Variants in DNAH5 observed in about 807,000 individuals in gnomAD.
The protein encoded by DNAH5 is axonemal beta dynein heavy chain 5.
DNAH5 carries 372 observed loss-of-function variants against 518.2 expected under a neutral mutation model. The ratio of observed to expected loss-of-function variants is 0.72; its 90% confidence interval spans 0.66 to 0.78. DNAH5 has a LOEUF of 0.78. Among genes scored for constraint, DNAH5 ranks in the 30% least tolerant of loss-of-function variants. The pLI, the probability that DNAH5 is intolerant of heterozygous loss-of-function variation, is 0.00. For missense variants in DNAH5, 5,523 were observed against 5,687.0 expected (o/e 0.97, Z 0.93); for synonymous variants, 2,039 against 2,025.9 (o/e 1.01, Z -0.17).
chr5:13,828,291 T>C (rs1763173415), intron 38 of DNAH5, among the ~76,000 whole-genome samples: 1 of 151,604 alleles, frequency 6.6e-6, no homozygotes, highest in Admixed American at 6.6e-5. Context: ...AGTTTGAAAT[T>C]AAAGCCTAAG....
chr5:13,727,700 A>G, intron 69 of DNAH5, 44 bp from the exon 70 acceptor site: 2 of 1,608,226 alleles, frequency 1.2e-6, no homozygotes, highest in East Asian at 2.2e-5. Context: ...CCACCCAACA[A>G]TCTTTCAGTA....
rs1239191992 is a variant in DNAH5 at position 13,923,269 on chromosome 5, T to C, written c.438+11A>G. 2 of 1,614,054 alleles carry C rather than the reference T, an allele frequency of 1.2e-6. No homozygotes were observed. The highest frequency in any genetic ancestry group is 1.7e-5 in the Admixed American group (1 of 60,004). On this transcript the variant is annotated intron_variant, in intron 4 of 78. Transcript: ENST00000265104. ...GGTAATTCAGAGTAAACAATGGCTC[T>C]TGCCCCTTACCTGGTGGATGTTGTC...
At position 13,752,246 on chromosome 5, in the gene DNAH5, T is replaced by C; in HGVS notation, c.10916A>G (p.Asp3639Gly). Residue 3639 changes from aspartate to glycine, a missense_variant, in exon 64 of 79, where the codon GAC (aspartate) becomes GGC (glycine). Transcript: ENST00000265104. ...NHKYFRNHLE[D>G]SLSLGRPLLI... ...CAAAGGCCTTCCAAGAGAAAGGCTG[T>C]CTTCCAGGTGGTTTCTGAAGTACTT... 6.2e-7 allele frequency: 1 copy of C among 1,614,080 alleles called. No homozygotes were observed. Among genetic ancestry groups the C allele is most frequent in the East Asian group, 2.2e-5 (1 of 44,866 alleles).
At chr5:13,706,968 C>T (rs1561082507) in intron 76 of DNAH5, among the ~76,000 whole-genome samples, 1 of 152,210 alleles carries the variant, frequency 6.6e-6, no homozygotes, top group Non-Finnish European at 1.5e-5. Flanking sequence ...AACAGGCACT[C>T]TTGTTTTCGT....
intron 30 of DNAH5, among the ~76,000 whole-genome samples, chr5:13,851,628 C>T (rs994577931): frequency 3.3e-5 from 5 of 152,050 alleles, no homozygotes; most frequent in Admixed American, 6.6e-5. Context: ...TCATTTTCTT[C>T]TTTAAAGCTT....
chr5:13,786,060 G>A, intron 52 of DNAH5, 119 bp downstream of exon 52: 2 of 974,206 alleles, frequency 2.1e-6, no homozygotes, highest in South Asian at 2.7e-5. Context: ...ATATAGCATG[G>A]AGTCTAATTT....
chr5:13,695,184 C>A (rs1454339453), intron 78 of DNAH5, among the ~76,000 whole-genome samples: 1 of 152,184 alleles, frequency 6.6e-6, no homozygotes, highest in Non-Finnish European at 1.5e-5. Flanking sequence ...ATTTGAGATG[C>A]CTCCAAAGCC....
chr5:13,953,414 A>G (rs1038234824), intron 1 of DNAH5, among the ~76,000 whole-genome samples: 1 of 152,210 alleles, frequency 6.6e-6, no homozygotes, highest in African/African-American at 2.4e-5. Flanking sequence ...AACAGTTAAC[A>G]TTGGGCCTTA....
intron 64 of DNAH5, among the ~76,000 whole-genome samples, chr5:13,751,610 A>T (rs941930216): frequency 1.3e-5 from 2 of 152,206 alleles, no homozygotes; most frequent in East Asian, 3.8e-4. Context: ...GCACCGAAAG[A>T]GTATAAAAAG....
At chr5:13,771,312 A>G (rs1753308250) in intron 55 of DNAH5, 1 of 330,488 alleles carries the variant, frequency 3.0e-6, no homozygotes, top group Non-Finnish European at 5.7e-6. Flanking sequence ...AATGGTACAA[A>G]TAACTCAGAA....
chr5:13,850,502 G>A (rs1766677912), intron 31 of DNAH5, 150 bp downstream of exon 31: 2 of 683,450 alleles, frequency 2.9e-6, no homozygotes, highest in Non-Finnish European at 5.2e-6. Flanking sequence ...GAGAATATAA[G>A]GCTTCAAAAT....
Position 13,841,918 on chromosome 5 carries a change from CAAAAAAAA to C in DNAH5, c.5272-22_5272-15del. The C allele has an allele frequency of 1.7e-6, 1 of 591,122 alleles. No homozygotes were observed. The highest frequency in any genetic ancestry group is 2.7e-6 in the Non-Finnish European group (1 of 370,184). 36.6% of individuals were successfully genotyped at this position (591,122 alleles called of 1,614,324 possible). A position where few individuals can be genotyped will look rare whatever the true frequency, so the allele number is the denominator to read the frequency against. On this transcript the variant is annotated splice_polypyrimidine_tract_variant and intron_variant, in intron 32 of 78. Coordinates refer to ENST00000265104, the MANE Select transcript of DNAH5 (RefSeq NM_001369.3). Reference sequence around the variant, plus strand: ...TCGATCATAGATCTATGTTAGAAACCAAAAAAAAAAAAAAAAAAAGCTATAGTCATATA... The same window carrying C: ...TCGATCATAGATCTATGTTAGAAACCAAAAAAAAAAAGCTATAGTCATATA...
intron 60 of DNAH5, among the ~76,000 whole-genome samples, chr5:13,762,276 A>G (rs1463555394): frequency 1.3e-5 from 2 of 152,200 alleles, no homozygotes; most frequent in Non-Finnish European, 1.5e-5. Flanking sequence ...AAAGGGAGGA[A>G]TACATCACGT....
intron 16 of DNAH5, among the ~76,000 whole-genome samples, chr5:13,892,449 G>T (rs981283501): frequency 1.3e-5 from 2 of 152,184 alleles, no homozygotes; most frequent in African/African-American, 4.8e-5. Context: ...ATGACCACCT[G>T]TAAGTAGGAT....
At chr5:13,779,791 C>T (rs1240488694) in intron 53 of DNAH5, among the ~76,000 whole-genome samples, 2 of 152,170 alleles carry the variant, frequency 1.3e-5, no homozygotes, top group Non-Finnish European at 2.9e-5. Flanking sequence ...CCCTGAAGCT[C>T]CAACTTCCTG....
At position 13,692,011 on chromosome 5, in the gene DNAH5, C is replaced by A. The variant is rs745602916; in HGVS notation, c.13848G>T (p.Gly4616=). 1 of 1,614,084 alleles carries A rather than the reference C, an allele frequency of 6.2e-7. No individual in the cohort carries two copies. The highest frequency in any genetic ancestry group is 8.5e-7 in the Non-Finnish European group (1 of 1,179,986). Residue 4616 remains glycine (G), a synonymous_variant, in exon 79 of 79, where the codon GGG becomes GGT. Transcript: ENST00000265104. ...AQTPEHWVLR[G]VALLCDVK is the part of the protein sequence containing the mutation. ...ACTTGACATCACACAGAAGGGCAAC[C>A]CCACGGAGCACCCAGTGTTCAGGGG... is the stretch of plus-strand genomic sequence containing the variant.
In DNAH5 at chr5:13,690,522, T is replaced by C. The variant is rs1740598392; in HGVS notation, c.*1462A>G. 1 of 152,196 alleles carries C rather than the reference T, an allele frequency of 6.6e-6. No individual in the cohort carries two copies. Among genetic ancestry groups the C allele is most frequent in the African/African-American group, 2.4e-5 (1 of 41,450 alleles). 9.4% of individuals were successfully genotyped at this position (152,196 alleles called of 1,614,324 possible). A position where few individuals can be genotyped will look rare whatever the true frequency, so the allele number is the denominator to read the frequency against. ...AGGAGCCACTCAGTCCTAACTCTCA[T>C]GATCATGAGCATGAAATAATGATCC... On this transcript the variant is annotated 3_prime_UTR_variant, in exon 79 of 79. Coordinates refer to ENST00000265104, the MANE Select transcript of DNAH5 (RefSeq NM_001369.3).
Position 14,001,673 on chromosome 5 carries a change from CT to C in DNAH5, c.12+9974del, listed in dbSNP as rs546288163. 5.3e-3 allele frequency among the ~76,000 whole-genome samples: 304 copies of C among 56,948 alleles called. 2 individuals carry two copies. Among genetic ancestry groups the C allele is most frequent in the Middle Eastern group, 0.022 (3 of 134 alleles). 37.4% of individuals were successfully genotyped at this position (56,948 alleles called of 152,430 possible). A position where few individuals can be genotyped will look rare whatever the true frequency, so the allele number is the denominator to read the frequency against. On this transcript the variant is annotated intron_variant, in intron 1 of 78. Coordinates refer to the DNAH5 transcript ENST00000681290. ...CCACTGTGCCCAGCCTAGTTTTTTT[CT>C]TTTCTTTTTTTTTTTTTAAGGATAC...
chr5:13,959,860 G>A (rs538459515), intron 1 of DNAH5, among the ~76,000 whole-genome samples: 4 of 152,240 alleles, frequency 2.6e-5, no homozygotes, highest in Non-Finnish European at 4.4e-5. Flanking sequence ...CCAGCCACTC[G>A]GGAGGCTGAG....
Sources: allele counts gnomAD v4.1 joint callset (sites outside exome capture counted in the v4.1 genomes callset), GRCh38; gene constraint gnomAD v4.1.1; transcripts MANE v1.5; gene names NCBI Gene and HGNC (gene_info 2026-07-23, HGNC 2026-07-21).